PAX3: variants seen among roughly 807,000 people sequenced by gnomAD.
PAX3 encodes paired box 3, also known as paired box protein Pax-3.
Under a neutral mutation model 51.6 loss-of-function variants are expected in PAX3, and 14 were observed. That is an observed-to-expected ratio of 0.27 (90% CI 0.18 to 0.42). The LOEUF is 0.42. PAX3 is among the 10% of genes least tolerant of loss of function. The pLI, the probability that PAX3 is intolerant of heterozygous loss-of-function variation, is 1.00. For missense variants in PAX3, 540 were observed against 642.8 expected (o/e 0.84, Z 1.73); for synonymous variants, 280 against 253.4 (o/e 1.11, Z -1.00).
Position 222,287,284 on chromosome 2 carries a change from G to A in PAX3, c.586+6883C>T, listed in dbSNP as rs374809932. On this transcript the variant is annotated intron_variant, in intron 4 of 8. Coordinates refer to ENST00000392070, the MANE Select transcript of PAX3 (RefSeq NM_181458.4). Reference sequence around the variant, plus strand: ...GGAAAGAAAGAAAATAGGTATTGAAGGTAAGAATTTATAACACCTTTTATT... The same window carrying A: ...GGAAAGAAAGAAAATAGGTATTGAAAGTAAGAATTTATAACACCTTTTATT... 8 of 152,286 alleles carry A rather than the reference G, an allele frequency of 5.3e-5. No homozygotes were observed. The South Asian group carries it at 1.2e-3, about 24-fold the overall frequency. The allele number at this position is 152,286 out of a possible 1,614,324, so 9.4% of individuals were successfully genotyped here.
intron 8 of PAX3, 112 bp downstream of exon 8, chr2:222,201,832 A>AAAT: frequency 1.3e-6 from 2 of 1,584,156 alleles, no homozygotes; most frequent in South Asian, 1.2e-5. Context: ...AAAAAAAAAA[A>AAAT]TTGATACCGG....
intron 7 of PAX3, among the ~76,000 whole-genome samples, chr2:222,203,625 G>A (rs1691391940): frequency 6.6e-6 from 1 of 152,102 alleles, no homozygotes; most frequent in African/African-American, 2.4e-5. Flanking sequence ...AGTAAGGCAG[G>A]AATCTGAGAG....
intron 7 of PAX3, among the ~76,000 whole-genome samples, chr2:222,206,182 A>G: frequency 6.6e-6 from 1 of 151,628 alleles, no homozygotes; most frequent in East Asian, 1.9e-4. Context: ...TTGATTGCCT[A>G]GTTTTGACAA....
intron 8 of PAX3, 152 bp downstream of exon 8, chr2:222,201,792 C>CT (rs1691301892): frequency 6.5e-7 from 1 of 1,540,088 alleles, no homozygotes; most frequent in East Asian, 2.3e-5. Context: ...AAGGAAGCCC[C>CT]TGCTGGAACA....
intron 3 of PAX3, 100 bp downstream of exon 3, chr2:222,295,428 T>C: frequency 2.8e-6 from 4 of 1,428,604 alleles, no homozygotes; most frequent in South Asian, 1.2e-5. Flanking sequence ...CACCTCCCAA[T>C]AGCTGAGATC....
chr2:222,294,781 T>A (rs1695202622), intron 3 of PAX3, among the ~76,000 whole-genome samples: 1 of 34,794 alleles, frequency 2.9e-5, no homozygotes. Context: ...CCCCCGTAAA[T>A]CAAGTTTCTT....
intron 5 of PAX3, among the ~76,000 whole-genome samples, chr2:222,226,193 G>T (rs189983568): frequency 6.6e-6 from 1 of 152,182 alleles, no homozygotes. Context: ...ATTGTAAAAC[G>T]TTTGGTTAAA....
intron 4 of PAX3, among the ~76,000 whole-genome samples, chr2:222,259,989 C>T (rs1693779371): frequency 6.6e-6 from 1 of 151,762 alleles, no homozygotes; most frequent in Non-Finnish European, 1.5e-5. Context: ...CTCAGTGATC[C>T]TCCAGAGTAG....
At chr2:222,222,041 A>G (rs747751750) in intron 5 of PAX3, among the ~76,000 whole-genome samples, 5 of 152,108 alleles carry the variant, frequency 3.3e-5, no homozygotes, top group Non-Finnish European at 7.4e-5. Flanking sequence ...TATTTCAACA[A>G]CAGCTTTAAG....
rs370766288 is a variant in PAX3 at position 222,223,543 on chromosome 2, AG to A, written c.793-2157del. ...GGGAACAAACTGTGTTAGCTTGGGG[AG>A]GCTGAAGGTGGGAAATTAGGGTCAT... is the stretch of plus-strand genomic sequence containing the variant. On this transcript the variant is annotated intron_variant, in intron 5 of 8. Transcript: ENST00000392070. 2.6e-3 allele frequency among the ~76,000 whole-genome samples: 397 copies of A among 152,286 alleles called. 2 individuals carry two copies. Among genetic ancestry groups the A allele is most frequent in the South Asian group, 0.022 (107 of 4,830 alleles).
chr2:222,211,249 C>A (rs1057512103), intron 7 of PAX3, among the ~76,000 whole-genome samples: 17 of 152,212 alleles, frequency 1.1e-4, no homozygotes. Context: ...TGTTCCTCAG[C>A]CTAAGTCTAC....
intron 4 of PAX3, among the ~76,000 whole-genome samples, chr2:222,247,551 T>C (rs1013122292): frequency 6.6e-6 from 1 of 152,188 alleles, no homozygotes; most frequent in African/African-American, 2.4e-5. Flanking sequence ...AATGAAATGA[T>C]ACCTCCATCA....
At chr2:222,246,561 G>C (rs879883595) in intron 4 of PAX3, among the ~76,000 whole-genome samples, 1 of 152,120 alleles carries the variant, frequency 6.6e-6, no homozygotes, top group Admixed American at 6.6e-5. Flanking sequence ...TTAAATTAGA[G>C]AATTATATTA....
rs201134751 is a variant in PAX3 at position 222,277,970 on chromosome 2, CTT to C, written c.586+16195_586+16196del. Among the ~76,000 whole-genome samples, 334 of 137,864 alleles carry C rather than the reference CTT, an allele frequency of 2.4e-3. 2 individuals carry two copies. Among genetic ancestry groups the C allele is most frequent in the African/African-American group, 6.7e-3 (249 of 37,390 alleles). 90.4% of individuals were successfully genotyped at this position (137,864 alleles called of 152,430 possible). On this transcript the variant is annotated intron_variant, in intron 4 of 8. Transcript: ENST00000392070. ...AAAAAATTGAGTTTTTGTGTGATTT[CTT>C]TTTTTTTTTTTAGCTCATCAGCTAT...
At chr2:222,208,993 G>T (rs906718384) in intron 7 of PAX3, among the ~76,000 whole-genome samples, 14 of 152,180 alleles carry the variant, frequency 9.2e-5, no homozygotes, top group Admixed American at 9.2e-4. Flanking sequence ...AGTCCCATTT[G>T]AGACTCACAA....
intron 4 of PAX3, among the ~76,000 whole-genome samples, chr2:222,259,101 T>C (rs1693751176): frequency 6.6e-6 from 1 of 152,214 alleles, no homozygotes; most frequent in Admixed American, 6.5e-5. Context: ...CAACTAAATT[T>C]ATTCTGTATT....
intron 4 of PAX3, among the ~76,000 whole-genome samples, chr2:222,255,782 C>CT (rs71781283): frequency 0.29 from 39,300 of 136,424 alleles, 5,990 homozygotes; most frequent in Middle Eastern, 0.39. Context: ...CAATTATATT[C>CT]TTTTTTTTTT....
At chr2:222,241,924 A>G (rs183876356) in intron 4 of PAX3, among the ~76,000 whole-genome samples, 24 of 152,350 alleles carry the variant, frequency 1.6e-4, no homozygotes, top group Non-Finnish European at 1.0e-4. Flanking sequence ...CCCTTCTGTC[A>G]TTTACATCTT....
intron 4 of PAX3, chr2:222,242,559 A>G (rs986000759): frequency 6.6e-6 from 1 of 152,166 alleles, no homozygotes. Context: ...AGGTTACCCT[A>G]ATATAAAATC....
Sources: gnomAD v4.1 joint callset for allele counts (sites outside exome capture counted in the v4.1 genomes callset) on GRCh38, gnomAD v4.1.1 for gene constraint, MANE v1.5 for transcripts, NCBI Gene and HGNC (gene_info 2026-07-23, HGNC 2026-07-21) for gene names.